IFFO2: variants seen among roughly 807,000 people sequenced by gnomAD.
IFFO2 encodes intermediate filament family orphan 2.
Under a neutral mutation model 53.5 loss-of-function variants are expected in IFFO2, and 19 were observed. The observed-to-expected ratio is 0.36, with a 90% CI of 0.25 to 0.52. IFFO2 has a LOEUF of 0.52. IFFO2 is among the 20% of genes least tolerant of loss of function. The pLI is 0.94. For missense variants in IFFO2, 570 were observed against 727.4 expected (o/e 0.78, Z 2.49); for synonymous variants, 303 against 313.6 (o/e 0.97, Z 0.36).
In IFFO2 at chr1:18,919,598, G is replaced by A; in HGVS notation, c.822+80C>T. On this transcript the variant is annotated intron_variant, in intron 3 of 8. Transcript: ENST00000455833. This position sits in a 1 kb window ranked among gnomAD's most constrained non-coding sequence, Gnocchi z 4.9. ...GATTCTAACTAGAAGCCGAGCCCCG[G>A]AGCCTCGGAGGGAATGAAGCATTTT... The A allele has an allele frequency of 1.1e-6, 1 of 943,118 alleles. No individual in the cohort carries two copies. The highest frequency in any genetic ancestry group is 1.4e-5 in the South Asian group (1 of 71,478). 58.4% of individuals were successfully genotyped at this position (943,118 alleles called of 1,614,324 possible).
chr1:18,943,341 C>A (rs1037538634), intron 1 of IFFO2, among the ~76,000 whole-genome samples: 4 of 152,126 alleles, frequency 2.6e-5, no homozygotes, highest in African/African-American at 9.7e-5. Flanking sequence ...GACTATTCAA[C>A]AGCACTCCAG....
chr1:18,929,313 C>G (rs1187469729), intron 1 of IFFO2, among the ~76,000 whole-genome samples: 2 of 152,184 alleles, frequency 1.3e-5, no homozygotes, highest in Admixed American at 6.5e-5. Context: ...GATGCCCATG[C>G]TCTTCACCGG....
intron 1 of IFFO2, among the ~76,000 whole-genome samples, chr1:18,937,566 G>C (rs972974304): frequency 1.3e-5 from 2 of 152,186 alleles, no homozygotes; most frequent in Admixed American, 1.3e-4. Context: ...AAGATGAGAC[G>C]GGGAATGAAA....
At chr1:18,943,081 A>G (rs993121498) in intron 1 of IFFO2, among the ~76,000 whole-genome samples, 30 of 151,960 alleles carry the variant, frequency 2.0e-4, no homozygotes, top group Admixed American at 1.4e-3. Flanking sequence ...TAATATTAAG[A>G]CTCAGCCAGC....
At chr1:18,932,087 C>T (rs1037369463) in intron 1 of IFFO2, among the ~76,000 whole-genome samples, 19 of 152,186 alleles carry the variant, frequency 1.2e-4, no homozygotes, top group South Asian at 2.1e-4. Flanking sequence ...TGGAGCTGGA[C>T]GGAACAAGGC....
chr1:18,955,934 GGCGCCGGCC>G lies in IFFO2; in HGVS notation c.390_398del (p.Ala131_Ala133del). On this transcript the variant is annotated inframe_deletion, in exon 1 of 9. Transcript: ENST00000455833. Reference sequence around the variant, plus strand: ...CGCCCAGGGCCACGGCATTGGCGTTGGCGCCGGCCGCCGCGCCACTGCTGAGGCCGTGCC... The same window carrying G: ...CGCCCAGGGCCACGGCATTGGCGTTGGCCGCGCCACTGCTGAGGCCGTGCC... 1 of 1,270,266 alleles carries G rather than the reference GGCGCCGGCC, an allele frequency of 7.9e-7. No individual in the cohort carries two copies. The highest frequency in any genetic ancestry group is 2.8e-5 in the South Asian group (1 of 36,238). The allele number at this position is 1,270,266 out of a possible 1,614,324, so 78.7% of individuals were successfully genotyped here.
At chr1:18,948,741 G>A (rs1250921133) in intron 1 of IFFO2, among the ~76,000 whole-genome samples, 2 of 152,196 alleles carry the variant, frequency 1.3e-5, no homozygotes, top group African/African-American at 4.8e-5. Flanking sequence ...CCAGCAAAGG[G>A]CACGGGACAC....
chr1:18,917,050 G>A lies in IFFO2; in HGVS notation c.964-8C>T, dbSNP rs77292772. 2,270 of 1,552,008 alleles carry A rather than the reference G, an allele frequency of 1.5e-3. 9 individuals are homozygous for A. The highest frequency in any genetic ancestry group is 1.8e-3 in the Non-Finnish European group (2,029 of 1,146,946). Reference sequence around the variant, plus strand: ...TTTCTTTTTGGGGACCACCTGAACCGGAAAGGAAGCAATCAAGGTAACTGG... The same window carrying A: ...TTTCTTTTTGGGGACCACCTGAACCAGAAAGGAAGCAATCAAGGTAACTGG... On this transcript the variant is annotated splice_region_variant and splice_polypyrimidine_tract_variant and intron_variant, in intron 4 of 8. Coordinates refer to ENST00000455833, the MANE Select transcript of IFFO2 (RefSeq NM_001136265.2). The surrounding 1 kb of genome is among the most constrained non-coding windows in gnomAD (Gnocchi z 5.9).
chr1:18,915,036 A>C (rs1239898288), intron 5 of IFFO2, among the ~76,000 whole-genome samples: 1 of 152,108 alleles, frequency 6.6e-6, no homozygotes, highest in East Asian at 1.9e-4. Context: ...CCCAGTTCCA[A>C]CCCTGCCTCT....
intron 1 of IFFO2, among the ~76,000 whole-genome samples, chr1:18,939,466 T>C (rs1333395272): frequency 3.3e-5 from 5 of 152,160 alleles, no homozygotes; most frequent in African/African-American, 1.2e-4. Context: ...AGTTTCCCCA[T>C]CAGGAAAGAT....
In IFFO2 at chr1:18,940,541, A is replaced by G. The variant is rs1420836274; in HGVS notation, c.665+15127T>C. 2.0e-5 allele frequency among the ~76,000 whole-genome samples: 3 copies of G among 151,432 alleles called. No homozygotes were observed. In the South Asian group the frequency reaches 6.3e-4, roughly 32 times the overall value. On this transcript the variant is annotated intron_variant, in intron 1 of 8. Transcript: ENST00000455833. ...CCGTGGCCCAGAAAAGGATGGATGG[A>G]TGGACAGACTGATGGACAAACGGAT... is the stretch of plus-strand genomic sequence containing the variant.
In IFFO2 at chr1:18,906,285, A is replaced by T. The variant is rs1935946979; in HGVS notation, c.*2276T>A. The T allele has an allele frequency of 6.6e-6, 1 of 152,260 alleles. No individual in the cohort carries two copies. Among genetic ancestry groups the T allele is most frequent in the South Asian group, 2.1e-4 (1 of 4,836 alleles). The allele number at this position is 152,260 out of a possible 1,614,324, so 9.4% of individuals were successfully genotyped here. Reference sequence around the variant, plus strand: ...GTCCTCAAAGACAAATGACCTATGTATACAAGGAGGAAAGTAAAAATAATA... The same window carrying T: ...GTCCTCAAAGACAAATGACCTATGTTTACAAGGAGGAAAGTAAAAATAATA... On this transcript the variant is annotated 3_prime_UTR_variant, in exon 9 of 9. Coordinates refer to ENST00000455833, the MANE Select transcript of IFFO2 (RefSeq NM_001136265.2).
intron 1 of IFFO2, among the ~76,000 whole-genome samples, chr1:18,925,013 A>C (rs1018566717): frequency 6.6e-6 from 1 of 152,142 alleles, no homozygotes; most frequent in Non-Finnish European, 1.5e-5. Flanking sequence ...ACACGGCCTG[A>C]ATCACTGAGA....
At chr1:18,934,417 G>A (rs1198386010) in intron 1 of IFFO2, among the ~76,000 whole-genome samples, 1 of 149,270 alleles carries the variant, frequency 6.7e-6, no homozygotes, top group Non-Finnish European at 1.5e-5. Context: ...CATCCATGTT[G>A]TAGTGTGTGT....
intron 5 of IFFO2, among the ~76,000 whole-genome samples, chr1:18,915,728 C>T (rs925119361): frequency 2.0e-5 from 3 of 152,130 alleles, no homozygotes; most frequent in African/African-American, 7.2e-5. Context: ...TGTGAAGCCC[C>T]CTCCAAGCGA....
At chr1:18,913,900 G>A (rs548126020) in intron 5 of IFFO2, among the ~76,000 whole-genome samples, 14 of 152,132 alleles carry the variant, frequency 9.2e-5, no homozygotes, top group East Asian at 7.7e-4. Context: ...GTGCGATCTC[G>A]GCTCACTGCA....
At position 18,905,212 on chromosome 1, in the gene IFFO2, C is replaced by T. The variant is rs986207385; in HGVS notation, c.*3349G>A. On this transcript the variant is annotated 3_prime_UTR_variant, in exon 9 of 9. Coordinates refer to ENST00000455833, the MANE Select transcript of IFFO2 (RefSeq NM_001136265.2). The stretch of plus-strand genomic sequence containing the variant: ...CAAGACTTCCAAGGAGCTGAGGGGT[C>T]AGAGGAGAGGAGAATGGGGTGAAGT... 1.4e-5 allele frequency: 2 copies of T among 143,510 alleles called. No individual in the cohort carries two copies. Among genetic ancestry groups the T allele is most frequent in the Non-Finnish European group, 3.1e-5 (2 of 65,510 alleles). The allele number at this position is 143,510 out of a possible 1,614,324, so 8.9% of individuals were successfully genotyped here.
At chr1:18,952,423 G>A (rs1036058622) in intron 1 of IFFO2, among the ~76,000 whole-genome samples, 2 of 152,190 alleles carry the variant, frequency 1.3e-5, no homozygotes, top group African/African-American at 2.4e-5. Context: ...GATGATGCTC[G>A]GTGGTATACA....
intron 7 of IFFO2, 97 bp downstream of exon 7, chr1:18,911,287 C>T (rs1052309991): frequency 7.2e-6 from 4 of 558,888 alleles, no homozygotes; most frequent in Admixed American, 4.1e-5. Context: ...ACTCTACCAG[C>T]CCCTGCCCAT....
Sources: allele counts gnomAD v4.1 joint callset (sites outside exome capture counted in the v4.1 genomes callset), GRCh38; gene constraint gnomAD v4.1.1; non-coding constraint Gnocchi (gnomAD v3.1); transcripts MANE v1.5; gene names NCBI Gene and HGNC (gene_info 2026-07-23, HGNC 2026-07-21).